The following GFM2 variants were observed in gnomAD, a reference collection of about 807,000 sequenced individuals.
GFM2 encodes GTP dependent ribosome recycling factor mitochondrial 2.
GFM2 carries 72 observed loss-of-function variants against 95.4 expected under a neutral mutation model. That is an observed-to-expected ratio of 0.76 (90% CI 0.62 to 0.92). GFM2 has a LOEUF of 0.92. Among genes scored for constraint, GFM2 ranks in the 40% least tolerant of loss-of-function variants. The probability of loss-of-function intolerance (pLI) is 0.00; values close to 1 mark genes in which losing one functional copy is unlikely to be tolerated. For synonymous variants in GFM2, 276 were observed against 317.5 expected (o/e 0.87, Z 1.39); for missense variants, 825 against 924.1 (o/e 0.89, Z 1.39).
intron 16 of GFM2, among the ~76,000 whole-genome samples, chr5:74,732,600 C>T (rs769779386): frequency 1.3e-5 from 2 of 152,130 alleles, no homozygotes; most frequent in African/African-American, 2.4e-5. Flanking sequence ...CACAGTGTTA[C>T]ATTGTAATCT....
rs370351589 is a variant in GFM2 at position 74,759,327 on chromosome 5, G to A, written c.206+42C>T. The A allele has an allele frequency of 2.6e-5, 30 of 1,157,158 alleles. No homozygotes were observed. In the East Asian group the frequency reaches 3.3e-4, roughly 13 times the overall value. The allele number at this position is 1,157,158 out of a possible 1,614,324, so 71.7% of individuals were successfully genotyped here. ...CATCAGAAAAAACCTGTAAATTTTC[G>A]TGACAGTCTATGGAAAAGCATGATA... On this transcript the variant is annotated intron_variant, in intron 4 of 20. Transcript: ENST00000296805.
intron 10 of GFM2, among the ~76,000 whole-genome samples, chr5:74,743,068 T>C (rs1579994800): frequency 1.3e-5 from 2 of 152,292 alleles, no homozygotes; most frequent in South Asian, 4.1e-4. Flanking sequence ...TCCATATACA[T>C]TAATTAAACA....
chr5:74,752,488 A>G (rs1743770433), intron 5 of GFM2, among the ~76,000 whole-genome samples: 1 of 152,224 alleles, frequency 6.6e-6, no homozygotes, highest in African/African-American at 2.4e-5. Context: ...CAACTCAAAT[A>G]TAACTCTATG....
rs1022054814 is a variant in GFM2 at position 74,733,678 on chromosome 5, T to C, written c.1511-580A>G. Among the ~76,000 whole-genome samples, 11 of 152,180 alleles carry C rather than the reference T, an allele frequency of 7.2e-5. 1 individual carries two copies. The highest frequency in any genetic ancestry group is 7.2e-4 in the Admixed American group (11 of 15,264). ...GTCTTGTAGGCCATGATGAAAAGTT[T>C]GGGTTTGCACTGCGAAGCCACTGAA... On this transcript the variant is annotated intron_variant, in intron 15 of 20. Transcript: ENST00000296805.
chr5:74,734,482 G>C (rs1361927634), intron 15 of GFM2, among the ~76,000 whole-genome samples: 1 of 152,074 alleles, frequency 6.6e-6, no homozygotes, highest in Non-Finnish European at 1.5e-5. Flanking sequence ...GAGTCTGACA[G>C]AAATGCGGAA....
chr5:74,748,695 T>C (rs1339934104), intron 7 of GFM2, among the ~76,000 whole-genome samples: 7 of 151,558 alleles, frequency 4.6e-5, no homozygotes, highest in Non-Finnish European at 1.5e-5. Context: ...TGAAACTCTG[T>C]CTCTACTAAA....
chr5:74,751,104 G>C (rs1413164317), intron 6 of GFM2, among the ~76,000 whole-genome samples: 1 of 152,144 alleles, frequency 6.6e-6, no homozygotes, highest in African/African-American at 2.4e-5. Flanking sequence ...ACAGTGGTTA[G>C]CAGGGGTGAA....
At chr5:74,741,669 G>T (rs933919907) in intron 10 of GFM2, 60 bp from the exon 11 acceptor site, 2 of 860,630 alleles carry the variant, frequency 2.3e-6, no homozygotes, top group Non-Finnish European at 1.9e-6. Context: ...CTATTAATTT[G>T]TCCAAACACC....
At chr5:74,737,096 A>C (rs1306650706) in intron 14 of GFM2, 111 bp from the exon 15 acceptor site, 2 of 924,848 alleles carry the variant, frequency 2.2e-6, no homozygotes, top group Non-Finnish European at 3.2e-6. Flanking sequence ...TTTTCATCAG[A>C]ACTTAAAAGA....
At position 74,745,796 on chromosome 5, in the gene GFM2, A is replaced by G; in HGVS notation, c.731T>C (p.Leu244Pro). 1 of 1,613,482 alleles carries G rather than the reference A, an allele frequency of 6.2e-7. No individual in the cohort carries two copies. Among genetic ancestry groups the G allele is most frequent in the Non-Finnish European group, 8.5e-7 (1 of 1,179,874 alleles). Residue 244 changes from leucine to proline, a missense_variant, in exon 10 of 21, where the codon CTT becomes CCT. Coordinates refer to ENST00000296805, the MANE Select transcript of GFM2 (RefSeq NM_032380.5). ...ATCATTTGAATTGCAATTCCAAAGA[A>G]GTTTTTCTTTCATTACTACATCCAC... ...GVVDVVMKEK[L>P]LWNCNSNDGK... is the part of the protein sequence containing the mutation.
chr5:74,766,658 A>G (rs1433470439), intron 1 of GFM2, among the ~76,000 whole-genome samples: 2 of 152,220 alleles, frequency 1.3e-5, no homozygotes, highest in African/African-American at 4.8e-5. Context: ...ACAGCTGCAA[A>G]GCCCCAGTAG....
chr5:74,761,782 T>C (rs992562553), intron 2 of GFM2, among the ~76,000 whole-genome samples: 6 of 152,232 alleles, frequency 3.9e-5, no homozygotes, highest in Non-Finnish European at 7.3e-5. Flanking sequence ...CCTCAGTTTA[T>C]GCCCAGACCA....
chr5:74,742,672 C>CTT (rs112221111), intron 10 of GFM2, among the ~76,000 whole-genome samples: 1,542 of 146,826 alleles, frequency 0.011, 25 homozygotes, highest in African/African-American at 0.036. Flanking sequence ...CCATTGTACT[C>CTT]TTTTTTTTTT....
intron 17 of GFM2, among the ~76,000 whole-genome samples, chr5:74,726,385 A>T (rs1224671915): frequency 6.6e-6 from 1 of 152,216 alleles, no homozygotes; most frequent in South Asian, 2.1e-4. Context: ...GTTGAGGCAC[A>T]TGTTACGAAG....
intron 19 of GFM2, among the ~76,000 whole-genome samples, 165 bp downstream of exon 19, chr5:74,725,475 G>A (rs1750103133): frequency 6.6e-6 from 1 of 152,152 alleles, no homozygotes; most frequent in Non-Finnish European, 1.5e-5. Flanking sequence ...AAAACCTGGT[G>A]ATTAAGAAAT....
At chr5:74,753,697 C>T (rs186931002) in intron 5 of GFM2, among the ~76,000 whole-genome samples, 1 of 152,240 alleles carries the variant, frequency 6.6e-6, no homozygotes, top group African/African-American at 2.4e-5. Context: ...ATGAACAAAG[C>T]CTCTAAGAAG....
At chr5:74,735,808 A>G (rs1196398190) in intron 15 of GFM2, among the ~76,000 whole-genome samples, 1 of 152,172 alleles carries the variant, frequency 6.6e-6, no homozygotes, top group Non-Finnish European at 1.5e-5. Context: ...ATGAAGGCGG[A>G]AGTTTCACAA....
At position 74,758,891 on chromosome 5, in the gene GFM2, C is replaced by T. The variant is rs1180877014; in HGVS notation, c.262G>A (p.Glu88Lys). 6.2e-7 allele frequency: 1 copy of T among 1,610,130 alleles called. No homozygotes were observed. The highest frequency in any genetic ancestry group is 8.5e-7 in the Non-Finnish European group (1 of 1,176,612). ...TATCCGGAATAGTACAATATTCTTT[C>T]TGTGGTGGTAGTTTTGCCTGCATCA... ...HIDAGKTTTT[E>K]RILYYSGYTR... The change falls in exon 5 of 21, where the codon GAA becomes AAA. Residue 88 changes from glutamate (E) to lysine (K), a missense_variant. Physicochemically the swap from Glu to Lys is moderately conservative, Grantham distance 56 (BLOSUM62 1). Coordinates refer to ENST00000296805, the MANE Select transcript of GFM2 (RefSeq NM_032380.5).
Position 74,738,624 on chromosome 5 carries a change from G to C in GFM2, c.1098C>G (p.Asp366Glu). Residue 366 changes from aspartate (D) to glutamate (E), a missense_variant, in exon 13 of 21, where the codon GAC (aspartate) becomes GAG (glutamate). Physicochemically the swap from Asp to Glu is conservative, Grantham distance 45. Coordinates refer to ENST00000296805, the MANE Select transcript of GFM2 (RefSeq NM_032380.5). The part of the protein sequence containing the change: ...NYEFLQWYKD[D>E]LCALAFKVLH... The stretch of plus-strand genomic sequence containing the variant: ...GAACTTTAAATGCCAATGCACATAA[G>C]TCATCCTTATACCACTGCCTATAAA... 1 of 1,612,612 alleles carries C rather than the reference G, an allele frequency of 6.2e-7. No individual in the cohort carries two copies. The highest frequency in any genetic ancestry group is 8.5e-7 in the Non-Finnish European group (1 of 1,179,318).
Sources: allele counts gnomAD v4.1 joint callset (sites outside exome capture counted in the v4.1 genomes callset), GRCh38; gene constraint gnomAD v4.1.1; transcripts MANE v1.5; gene names NCBI Gene and HGNC (gene_info 2026-07-23, HGNC 2026-07-21).